The following SLC22A9 variants were observed in gnomAD, a reference collection of about 807,000 sequenced individuals.
SLC22A9 encodes the protein organic anion transporter 7.
A neutral mutation model predicts 50.1 loss-of-function variants in SLC22A9; 64 were observed. That is an observed-to-expected ratio of 1.28 (90% CI 1.04 to 1.57). SLC22A9 has a LOEUF of 1.57. Ranked by LOEUF, SLC22A9 falls within the 40% of genes most tolerant of loss-of-function variation. The pLI is 0.00. For synonymous variants in SLC22A9, 261 were observed against 242.5 expected, an observed-to-expected ratio of 1.08 and a Z score of -0.71; for missense variants, 757 against 676.1, an observed-to-expected ratio of 1.12 and a Z score of -1.33.
In SLC22A9 at chr11:63,408,675, G is replaced by A. The variant is rs766447721; in HGVS notation, c.1398-1G>A. The A allele has an allele frequency of 2.5e-6, 4 of 1,606,106 alleles. No individual in the cohort carries two copies. The highest frequency in any genetic ancestry group is 1.3e-5 in the African/African-American group (1 of 74,868). On this transcript the variant is annotated splice_acceptor_variant, in intron 8 of 9. Transcript: ENST00000279178. LOFTEE classifies it high-confidence loss of function. The stretch of plus-strand genomic sequence containing the variant: ...TCTTGTATTGCTGTTTCCACTCAAA[G>A]GGCAAGAGCTATGGGGATCAATGCA...
intron 7 of SLC22A9, 109 bp from the exon 8 acceptor site, chr11:63,408,003 C>A (rs891157306): frequency 3.9e-6 from 3 of 778,436 alleles, no homozygotes; most frequent in South Asian, 1.7e-5. Context: ...CCCTACAGTA[C>A]ATTTAACCCT....
chr11:63,402,213 CTCTTT>C (rs2014963160), intron 6 of SLC22A9, among the ~76,000 whole-genome samples: 1 of 151,954 alleles, frequency 6.6e-6, no homozygotes, highest in African/African-American at 2.4e-5. Flanking sequence ...GTGGTATTTC[CTCTTT>C]TCTTCTGTGT....
At chr11:63,407,932 C>T (rs912899649) in intron 7 of SLC22A9, among the ~76,000 whole-genome samples, 180 bp from the exon 8 acceptor site, 15 of 152,190 alleles carry the variant, frequency 9.9e-5, no homozygotes, top group Non-Finnish European at 1.3e-4. Context: ...AGCCACAAGG[C>T]GAAGACAAAT....
At chr11:63,397,099 G>A (rs571734427) in intron 6 of SLC22A9, among the ~76,000 whole-genome samples, 21 of 152,304 alleles carry the variant, frequency 1.4e-4, no homozygotes, top group African/African-American at 4.8e-4. Flanking sequence ...GGGACCCCAA[G>A]GCCAGTAATG....
chr11:63,397,905 A>C (rs1274699986), intron 6 of SLC22A9, among the ~76,000 whole-genome samples: 1 of 67,650 alleles, frequency 1.5e-5, no homozygotes, highest in African/African-American at 5.7e-5. Flanking sequence ...CTAAGCTGCA[A>C]GACGAAGCCT....
At chr11:63,408,532 T>C in intron 8 of SLC22A9, 144 bp from the exon 9 acceptor site, 1 of 771,696 alleles carries the variant, frequency 1.3e-6, no homozygotes, top group Non-Finnish European at 2.1e-6. Flanking sequence ...TGCTAGCAAA[T>C]AAAAGTGAAA....
chr11:63,389,333 T>A (rs2014722525), intron 6 of SLC22A9, among the ~76,000 whole-genome samples: 2 of 151,126 alleles, frequency 1.3e-5, no homozygotes, highest in African/African-American at 2.4e-5. Flanking sequence ...CCCTCCCCCT[T>A]CCCCCAACCC....
At chr11:63,376,835 A>G (rs2014468858) in intron 5 of SLC22A9, among the ~76,000 whole-genome samples, 1 of 152,130 alleles carries the variant, frequency 6.6e-6, no homozygotes, top group Admixed American at 6.6e-5. Flanking sequence ...CTATAGGCTC[A>G]AAGTGAAAGG....
chr11:63,402,933 T>A (rs534192552), intron 6 of SLC22A9, among the ~76,000 whole-genome samples: 3 of 152,136 alleles, frequency 2.0e-5, no homozygotes, highest in African/African-American at 7.2e-5. Context: ...AGTTCACACA[T>A]ATACATGCTC....
intron 5 of SLC22A9, among the ~76,000 whole-genome samples, chr11:63,381,645 A>G (rs1236527227): frequency 6.6e-6 from 1 of 152,070 alleles, no homozygotes; most frequent in East Asian, 1.9e-4. Context: ...GAAGCATGAG[A>G]TTAGGGAGAA....
At chr11:63,383,194 G>A (rs1258431079) in intron 6 of SLC22A9, among the ~76,000 whole-genome samples, 1 of 152,140 alleles carries the variant, frequency 6.6e-6, no homozygotes, top group Admixed American at 6.5e-5. Flanking sequence ...CAGGAGGGAG[G>A]GAAGGGAGTG....
intron 1 of SLC22A9, 151 bp downstream of exon 1, chr11:63,370,609 C>A: frequency 2.1e-6 from 2 of 935,916 alleles, no homozygotes. Flanking sequence ...AAATGTCTGA[C>A]ACCTACACAT....
At chr11:63,378,225 G>T (rs551165261) in intron 5 of SLC22A9, among the ~76,000 whole-genome samples, 3 of 137,254 alleles carry the variant, frequency 2.2e-5, no homozygotes, top group East Asian at 3.9e-4. Context: ...ACCAAAACCT[G>T]GCAGAGAAAA....
chr11:63,371,255 C>T lies in SLC22A9; in HGVS notation c.506+17C>T, dbSNP rs532170739. 12 of 1,566,188 alleles carry T rather than the reference C, an allele frequency of 7.7e-6. No homozygotes were observed. The highest frequency in any genetic ancestry group is 1.1e-5 in the Non-Finnish European group (12 of 1,139,428). The stretch of plus-strand genomic sequence containing the variant: ...ATCAGACAGGTGAGTGTGTATGGAA[C>T]ACAGCTCTCTTTAAGGGCATTTTTT... On this transcript the variant is annotated intron_variant, in intron 2 of 9. Transcript: ENST00000279178.
intron 6 of SLC22A9, among the ~76,000 whole-genome samples, chr11:63,383,686 G>A (rs1018407597): frequency 2.2e-4 from 33 of 152,150 alleles, no homozygotes; most frequent in African/African-American, 7.7e-4. Context: ...ACCATAAAGA[G>A]AGGTATATGA....
chr11:63,394,563 C>G (rs184435392), intron 6 of SLC22A9, among the ~76,000 whole-genome samples: 2 of 152,258 alleles, frequency 1.3e-5, no homozygotes, highest in Admixed American at 1.3e-4. Flanking sequence ...CCAATCCCTT[C>G]TAGCTTGTAG....
At position 63,408,145 on chromosome 11, in the gene SLC22A9, T is replaced by C; in HGVS notation, c.1322T>C (p.Leu441Pro). 6.2e-7 allele frequency: 1 copy of C among 1,613,748 alleles called. No homozygotes were observed. The highest frequency in any genetic ancestry group is 1.3e-5 in the African/African-American group (1 of 75,032). ...MQTLREVLAT[L>P]GLGASALANT... is the part of the protein sequence containing the mutation. ...ACGCTGCGTGAGGTTTTGGCAACAC[T>C]GGGCTTAGGAGCGTCTGCTCTTGCC... The change falls in exon 8 of 10, where the codon CTG becomes CCG. Residue 441 changes from leucine to proline, a missense_variant. Physicochemically the swap from Leu to Pro is moderately conservative, Grantham distance 98. Transcript: ENST00000279178.
intron 6 of SLC22A9, 110 bp from the exon 7 acceptor site, chr11:63,406,387 C>T: frequency 1.1e-6 from 1 of 886,176 alleles, no homozygotes. Flanking sequence ...GAAATAGACC[C>T]AGCCTTTATA....
rs2014318728 is a variant in SLC22A9 at position 63,369,964 on chromosome 11, AG to A, written c.-92del. ...GTGGGGTCAGGATCAAAACACATTT[AG>A]TGTGACTTAGGGAAAGAAAACATTT... On this transcript the variant is annotated 5_prime_UTR_variant, in exon 1 of 10. It adds an upstream start codon to the 5' untranslated region. Transcript: ENST00000279178. 4.7e-6 allele frequency: 6 copies of A among 1,265,024 alleles called. No individual in the cohort carries two copies. In the Admixed American group the frequency reaches 1.4e-4, roughly 29 times the overall value. 78.4% of individuals were successfully genotyped at this position (1,265,024 alleles called of 1,614,324 possible).
Sources: allele counts gnomAD v4.1 joint callset (sites outside exome capture counted in the v4.1 genomes callset), GRCh38; gene constraint gnomAD v4.1.1; transcripts MANE v1.5; gene names NCBI Gene and HGNC (gene_info 2026-07-23, HGNC 2026-07-21).